Variants in SCEL observed in about 807,000 individuals in gnomAD.
SCEL encodes the protein sciellin.
Under a neutral mutation model 117.6 loss-of-function variants are expected in SCEL, and 113 were observed. The ratio of observed to expected loss-of-function variants is 0.96; its 90% CI spans 0.83 to 1.12. SCEL has a LOEUF of 1.12. SCEL is among the 50% of genes most tolerant of loss of function. The probability of loss-of-function intolerance (pLI) is 0.00; values close to 1 mark genes in which losing one functional copy is unlikely to be tolerated. For missense variants in SCEL, 785 were observed against 810.8 expected (o/e 0.97, Z 0.39); for synonymous variants, 270 against 256.2 (o/e 1.05, Z -0.51).
chr13:77,563,122 AT>A (rs2085077094), intron 4 of SCEL, among the ~76,000 whole-genome samples: 2 of 151,424 alleles, frequency 1.3e-5, no homozygotes, highest in African/African-American at 4.8e-5. Flanking sequence ...TATTTTCTAA[AT>A]TCCCCCCCCA....
At chr13:77,560,087 C>G (rs779284031) in intron 4 of SCEL, among the ~76,000 whole-genome samples, 5 of 152,050 alleles carry the variant, frequency 3.3e-5, no homozygotes, top group Admixed American at 6.6e-5. Flanking sequence ...CTCTGTGCAT[C>G]CCACTGAGGT....
rs1488902702 is a variant in SCEL at position 77,644,917 on chromosome 13, A to G, written c.*643A>G. ...TTAGAATCATTAGCTCTTTGGAAAC[A>G]TATATGCATACATGTTTGTTAAGCC... On this transcript the variant is annotated 3_prime_UTR_variant, in exon 33 of 33. Coordinates refer to ENST00000349847, the MANE Select transcript of SCEL (RefSeq NM_144777.3). 1 of 152,280 alleles carries G rather than the reference A, an allele frequency of 6.6e-6. No homozygotes were observed. The highest frequency in any genetic ancestry group is 2.4e-5 in the African/African-American group (1 of 41,460). The allele number at this position is 152,280 out of a possible 1,614,324, so 9.4% of individuals were successfully genotyped here.
chr13:77,621,318 G>A (rs925110813), intron 27 of SCEL, among the ~76,000 whole-genome samples: 11 of 151,982 alleles, frequency 7.2e-5, no homozygotes, highest in East Asian at 3.9e-4. Context: ...TCCCACTCCC[G>A]TCTATTATCG....
At chr13:77,567,867 C>G (rs917574500) in intron 6 of SCEL, 119 bp downstream of exon 6, 1 of 656,912 alleles carries the variant, frequency 1.5e-6, no homozygotes, top group African/African-American at 1.9e-5. Flanking sequence ...TAGTCTCTAT[C>G]ATTACTCCTG....
At chr13:77,584,209 T>C (rs2086429798) in intron 9 of SCEL, among the ~76,000 whole-genome samples, 1 of 152,296 alleles carries the variant, frequency 6.6e-6, no homozygotes, top group East Asian at 1.9e-4. Flanking sequence ...CCTGCCTCGC[T>C]CTTGCATTTT....
At position 77,642,699 on chromosome 13, in the gene SCEL, T is replaced by C; in HGVS notation, c.1948-7T>C. 6.7e-7 allele frequency: 1 copy of C among 1,501,912 alleles called. No homozygotes were observed. The highest frequency in any genetic ancestry group is 9.2e-7 in the Non-Finnish European group (1 of 1,091,516). 93.0% of individuals were successfully genotyped at this position (1,501,912 alleles called of 1,614,324 possible). On this transcript the variant is annotated splice_polypyrimidine_tract_variant and splice_region_variant and intron_variant, in intron 31 of 32. Transcript: ENST00000349847. ...TGGAAACTTTATATATGTATTTTTT[T>C]CTTTAGTGTGAAATATGCAAGCAGC...
At position 77,617,625 on chromosome 13, in the gene SCEL, A is replaced by G; in HGVS notation, c.1478A>G (p.Lys493Arg). 2 of 1,597,730 alleles carry G rather than the reference A, an allele frequency of 1.3e-6. No individual in the cohort carries two copies. Among genetic ancestry groups the G allele is most frequent in the Non-Finnish European group, 1.7e-6 (2 of 1,170,246 alleles). Reference protein sequence around the residue: ...DGKQDLDKLIKVNPEIFTNNQ... With the variant: ...DGKQDLDKLIRVNPEIFTNNQ... Reference sequence around the variant, plus strand: ...AAACAAGATCTTGATAAACTCATCAAGGTGAATCCTGAAATTTTCACAAAC... The same window carrying G: ...AAACAAGATCTTGATAAACTCATCAGGGTGAATCCTGAAATTTTCACAAAC... The change falls in exon 25 of 33, where the codon AAG becomes AGG. Residue 493 changes from lysine to arginine, a missense_variant. Physicochemically the swap from Lys to Arg is conservative, Grantham distance 26. Coordinates refer to ENST00000349847, the MANE Select transcript of SCEL (RefSeq NM_144777.3).
intron 1 of SCEL, among the ~76,000 whole-genome samples, chr13:77,550,571 A>G (rs1401837411): frequency 6.6e-6 from 1 of 151,990 alleles, no homozygotes; most frequent in Non-Finnish European, 1.5e-5. Context: ...TTTCTTTTCT[A>G]TGGATGTGAC....
chr13:77,556,075 C>T (rs554991813), intron 2 of SCEL, among the ~76,000 whole-genome samples, 157 bp downstream of exon 2: 262 of 152,094 alleles, frequency 1.7e-3, no homozygotes, highest in African/African-American at 5.5e-3. Context: ...GTATACTTGT[C>T]GCAGCTTTTA....
chr13:77,623,410 C>A (rs970657236), intron 27 of SCEL: 1 of 152,182 alleles, frequency 6.6e-6, no homozygotes. Context: ...ACTAACTACT[C>A]ACACCAGTTA....
Position 77,593,640 on chromosome 13 carries a change from C to T in SCEL, c.752+67C>T, listed in dbSNP as rs566483104. 2.1e-5 allele frequency: 24 copies of T among 1,151,758 alleles called. No homozygotes were observed. The South Asian group carries it at 2.9e-4, about 14-fold the overall frequency. 71.3% of individuals were successfully genotyped at this position (1,151,758 alleles called of 1,614,324 possible). A position where few individuals can be genotyped will look rare whatever the true frequency, so the allele number is the denominator to read the frequency against. On this transcript the variant is annotated intron_variant, in intron 12 of 32. Transcript: ENST00000349847. ...GGTGTTTCAAAAATGCTTAACCACACCTTTAAAAGTTCCAAATATGAACAA... is the reference window on the plus strand; with the variant it reads ...GGTGTTTCAAAAATGCTTAACCACATCTTTAAAAGTTCCAAATATGAACAA...
intron 3 of SCEL, among the ~76,000 whole-genome samples, chr13:77,557,354 T>C (rs954203102): frequency 6.6e-6 from 1 of 152,246 alleles, no homozygotes; most frequent in Admixed American, 6.5e-5. Flanking sequence ...TAGGTATTTG[T>C]CCAGCAATAG....
chr13:77,583,907 C>A (rs1219329423), intron 9 of SCEL, among the ~76,000 whole-genome samples: 1 of 152,188 alleles, frequency 6.6e-6, no homozygotes, highest in East Asian at 1.9e-4. Context: ...ATATAGACAG[C>A]TTTCTTTACA....
intron 9 of SCEL, among the ~76,000 whole-genome samples, chr13:77,577,367 C>G (rs1267721162): frequency 2.0e-5 from 3 of 152,110 alleles, no homozygotes; most frequent in Admixed American, 1.3e-4. Context: ...ACCTTCTTCA[C>G]AGGGTGGCAG....
At position 77,556,669 on chromosome 13, in the gene SCEL, C is replaced by A; in HGVS notation, c.117C>A (p.Phe39Leu). ...ACGAGGTGAACAAAAGAAGAACTTT[C>A]TTACAGGATAACAGTTGGATAAAGA... Reference protein sequence around the residue: ...DFHEVNKRRTFLQDNSWIKKR... With the variant: ...DFHEVNKRRTLLQDNSWIKKR... The change falls in exon 3 of 33, where the codon TTC becomes TTA. Residue 39 changes from phenylalanine (F) to leucine (L), a missense_variant. By Grantham distance (22) the Phe-to-Leu change is conservative. Transcript: ENST00000349847. 1 of 1,614,054 alleles carries A rather than the reference C, an allele frequency of 6.2e-7. No homozygotes were observed. The highest frequency in any genetic ancestry group is 1.3e-5 in the African/African-American group (1 of 75,020).
intron 7 of SCEL, 54 bp from the exon 8 acceptor site, chr13:77,569,317 C>T (rs2085462979): frequency 7.3e-7 from 1 of 1,371,140 alleles, no homozygotes; most frequent in African/African-American, 1.4e-5. Context: ...CAAAGGTAGG[C>T]TGAAATGAAA....
chr13:77,578,882 CA>C (rs988692358), intron 9 of SCEL, among the ~76,000 whole-genome samples: 80 of 152,106 alleles, frequency 5.3e-4, no homozygotes, highest in African/African-American at 1.9e-3. Flanking sequence ...AGGTAAAAGG[CA>C]GGTTCCAAAG....
chr13:77,590,642 A>G lies in SCEL; in HGVS notation c.627-753A>G, dbSNP rs180899289. Among the ~76,000 whole-genome samples the G allele has an allele frequency of 3.3e-3, 497 of 152,158 alleles. 3 individuals carry two copies. Among genetic ancestry groups the G allele is most frequent in the Non-Finnish European group, 5.6e-3 (382 of 67,920 alleles). ...CTTACTACTCAAATTTCTTTATTCT[A>G]CCAATGATCTAAAAAATAAAATTGG... On this transcript the variant is annotated intron_variant, in intron 10 of 32. Transcript: ENST00000349847.
intron 13 of SCEL, 34 bp from the exon 14 acceptor site, chr13:77,599,295 C>T: frequency 6.5e-7 from 1 of 1,528,234 alleles, no homozygotes; most frequent in Non-Finnish European, 9.0e-7. Flanking sequence ...GTCATTATCA[C>T]TGATGAGGCT....
Sources: gnomAD v4.1 joint callset for allele counts (sites outside exome capture counted in the v4.1 genomes callset) on GRCh38, gnomAD v4.1.1 for gene constraint, MANE v1.5 for transcripts, NCBI Gene and HGNC (gene_info 2026-07-23, HGNC 2026-07-21) for gene names.